NIBAN1: variants seen among roughly 807,000 people sequenced by gnomAD.
The protein encoded by NIBAN1 is niban apoptosis regulator 1, also known as protein Niban 1.
A neutral mutation model predicts 75.1 loss-of-function variants in NIBAN1; 81 were observed. The ratio of observed to expected loss-of-function variants is 1.08; its 90% CI spans 0.90 to 1.30. NIBAN1 has a LOEUF of 1.30. Ranked by LOEUF, NIBAN1 falls within the 50% of genes most tolerant of loss-of-function variation. The probability of loss-of-function intolerance (pLI) is 0.00; values close to 1 mark genes in which losing one functional copy is unlikely to be tolerated. For synonymous variants in NIBAN1, 436 were observed against 424.8 expected (o/e 1.03, Z -0.32); for missense variants, 1,133 against 1,128.1 (o/e 1.00, Z -0.06).
chr1:184,798,119 C>T lies in NIBAN1; in HGVS notation c.1626G>A (p.Glu542=). 2 of 1,611,898 alleles carry T rather than the reference C, an allele frequency of 1.2e-6. No homozygotes were observed. Among genetic ancestry groups the T allele is most frequent in the African/African-American group, 1.3e-5 (1 of 75,022 alleles). Residue 542 remains glutamate (E), a synonymous_variant, in exon 13 of 14, where the codon GAG becomes GAA. Coordinates refer to ENST00000367511, the MANE Select transcript of NIBAN1 (RefSeq NM_052966.4). ...TNMIHVENVY[E]EILHQILLDE... is the part of the protein sequence containing the mutation. ...CAAGCAGGATCTGATGTAAAATCTC[C>T]TCATAGACATTTTCAACGTGAATCA...
chr1:184,852,248 G>C (rs1219704065), intron 5 of NIBAN1, among the ~76,000 whole-genome samples: 8 of 152,150 alleles, frequency 5.3e-5, no homozygotes, highest in Admixed American at 5.2e-4. Context: ...AGGAATGGAG[G>C]GAAAATCCTT....
At chr1:184,810,075 A>C (rs865953072) in intron 9 of NIBAN1, among the ~76,000 whole-genome samples, 29 of 152,182 alleles carry the variant, frequency 1.9e-4, no homozygotes, top group African/African-American at 6.5e-4. Context: ...GTAAAACAAA[A>C]CAGGCTGCAA....
At chr1:184,895,995 C>T (rs1334084124) in intron 2 of NIBAN1, among the ~76,000 whole-genome samples, 1 of 152,110 alleles carries the variant, frequency 6.6e-6, no homozygotes, top group African/African-American at 2.4e-5. Context: ...CATGGCTTTG[C>T]TATTAAAAAT....
intron 1 of NIBAN1, among the ~76,000 whole-genome samples, chr1:184,916,482 T>A (rs1035483201): frequency 1.6e-5 from 2 of 126,158 alleles, no homozygotes; most frequent in African/African-American, 5.8e-5. Context: ...GGGAATAAAT[T>A]AGCTATGAGC....
chr1:184,971,437 C>T (rs764843934), intron 1 of NIBAN1, among the ~76,000 whole-genome samples: 5 of 151,732 alleles, frequency 3.3e-5, no homozygotes, highest in East Asian at 1.9e-4. Flanking sequence ...TTTGGGAGGC[C>T]GAGGCAGGCA....
chr1:184,948,758 G>C (rs982358900), intron 1 of NIBAN1, among the ~76,000 whole-genome samples: 16 of 152,064 alleles, frequency 1.1e-4, no homozygotes, highest in African/African-American at 3.9e-4. Context: ...TGGAGTGGCA[G>C]TATACCGATT....
chr1:184,890,490 T>C (rs1656640653), intron 3 of NIBAN1, among the ~76,000 whole-genome samples: 1 of 152,242 alleles, frequency 6.6e-6, no homozygotes, highest in Non-Finnish European at 1.5e-5. Flanking sequence ...TGTTCTCGAA[T>C]GTGGAAAACA....
intron 1 of NIBAN1, among the ~76,000 whole-genome samples, chr1:184,904,319 C>T (rs1374622955): frequency 6.6e-6 from 1 of 152,158 alleles, no homozygotes. Context: ...TGAGCCATCA[C>T]ACCCACCCTA....
chr1:184,961,156 C>T (rs567355736), intron 1 of NIBAN1, among the ~76,000 whole-genome samples: 54 of 149,714 alleles, frequency 3.6e-4, no homozygotes, highest in African/African-American at 1.1e-3. Context: ...GCAAGCTCCG[C>T]CTCCTGGGTT....
In NIBAN1 at chr1:184,899,284, G is replaced by T. The variant is rs138432148; in HGVS notation, c.81C>A (p.Asn27Lys). 6.2e-7 allele frequency: 1 copy of T among 1,613,850 alleles called. No homozygotes were observed. Among genetic ancestry groups the T allele is most frequent in the Non-Finnish European group, 8.5e-7 (1 of 1,179,824 alleles). ...IRGKTEAAIK[N>K]FSPYYSRQYS... The stretch of plus-strand genomic sequence containing the variant: ...ACTGACGACTGTAGTAGGGACTGAA[G>T]TTTTTGATGGCAGCCTCAGTTTTCC... The change falls in exon 2 of 14, where the codon AAC becomes AAA. Residue 27 changes from asparagine (N) to lysine (K), a missense_variant. Asn to Lys is a moderately conservative substitution (Grantham distance 94, BLOSUM62 0). Transcript: ENST00000367511.
At chr1:184,891,616 C>T (rs1291239096) in intron 3 of NIBAN1, among the ~76,000 whole-genome samples, 2 of 152,082 alleles carry the variant, frequency 1.3e-5, no homozygotes, top group Non-Finnish European at 1.5e-5. Flanking sequence ...GAATAACTTG[C>T]CCATGGCCCA....
intron 1 of NIBAN1, among the ~76,000 whole-genome samples, chr1:184,935,059 G>T (rs1657920962): frequency 6.6e-6 from 1 of 152,144 alleles, no homozygotes; most frequent in Non-Finnish European, 1.5e-5. Flanking sequence ...AACAGAGCAA[G>T]AATCTGTCTC....
chr1:184,831,898 C>A lies in NIBAN1; in HGVS notation c.666G>T (p.Gln222His). The A allele has an allele frequency of 6.2e-7, 1 of 1,614,154 alleles. No homozygotes were observed. Reference sequence around the variant, plus strand: ...CCCAGGAACCATAGTGACCCTTCTCCTGTCGGAAGAATTGCACAGCTTCTA... The same window carrying A: ...CCCAGGAACCATAGTGACCCTTCTCATGTCGGAAGAATTGCACAGCTTCTA... The part of the protein sequence containing the change: ...AFLEAVQFFR[Q>H]EKGHYGSWEM... The change falls in exon 6 of 14, where the codon CAG (glutamine) becomes CAT (histidine). Residue 222 changes from glutamine to histidine, a missense_variant. Transcript: ENST00000367511.
intron 4 of NIBAN1, among the ~76,000 whole-genome samples, chr1:184,888,687 TC>T: frequency 6.6e-6 from 1 of 152,302 alleles, no homozygotes; most frequent in East Asian, 1.9e-4. Context: ...TCCTTTTCAT[TC>T]CCTCCAATAT....
intron 5 of NIBAN1, among the ~76,000 whole-genome samples, chr1:184,838,800 C>T (rs1557883412): frequency 1.3e-5 from 2 of 152,192 alleles, no homozygotes; most frequent in Non-Finnish European, 1.5e-5. Context: ...CTGACTCAGG[C>T]TGGGTTTGGA....
At chr1:184,908,384 G>C (rs931640035) in intron 1 of NIBAN1, among the ~76,000 whole-genome samples, 1 of 152,144 alleles carries the variant, frequency 6.6e-6, no homozygotes, top group African/African-American at 2.4e-5. Flanking sequence ...GCATTTTCTG[G>C]AACAATACCT....
At chr1:184,863,646 A>T (rs1027099180) in intron 5 of NIBAN1, among the ~76,000 whole-genome samples, 1 of 152,114 alleles carries the variant, frequency 6.6e-6, no homozygotes, top group Non-Finnish European at 1.5e-5. Context: ...ATATTTGAAG[A>T]TTTTTTTCCT....
In NIBAN1 at chr1:184,805,937, C is replaced by A. The variant is rs749963675; in HGVS notation, c.1446+9G>T. 1.2e-6 allele frequency: 2 copies of A among 1,606,638 alleles called. No individual in the cohort carries two copies. Among genetic ancestry groups the A allele is most frequent in the South Asian group, 1.1e-5 (1 of 90,938 alleles). On this transcript the variant is annotated intron_variant, in intron 11 of 13. Coordinates refer to ENST00000367511, the MANE Select transcript of NIBAN1 (RefSeq NM_052966.4). ...TTTATGCTTCCCACAAACAAGAGAA[C>A]GGTTTTACCTTTAAGACTCGGAGTT...
chr1:184,927,151 T>C (rs530276780), intron 1 of NIBAN1, among the ~76,000 whole-genome samples: 2 of 152,232 alleles, frequency 1.3e-5, no homozygotes, highest in African/African-American at 4.8e-5. Flanking sequence ...CTCTCCAAGA[T>C]TGGTCCCTGG....
Sources: gnomAD v4.1 joint callset for allele counts (sites outside exome capture counted in the v4.1 genomes callset) on GRCh38, gnomAD v4.1.1 for gene constraint, MANE v1.5 for transcripts, NCBI Gene and HGNC (gene_info 2026-07-23, HGNC 2026-07-21) for gene names.